The following CSMD1 variants were observed in gnomAD, a reference collection of about 807,000 sequenced individuals.
The protein encoded by CSMD1 is CUB and Sushi multiple domains 1, also known as CUB and sushi domain-containing protein 1.
A neutral mutation model predicts 417.5 loss-of-function variants in CSMD1; 213 were observed. The ratio of observed to expected loss-of-function variants is 0.51; its 90% confidence interval spans 0.46 to 0.57. The LOEUF (loss-of-function observed/expected upper bound fraction) is 0.57. Ranked by LOEUF, CSMD1 falls within the 20% of genes least tolerant of loss-of-function variation. The probability of loss-of-function intolerance (pLI) is 0.00; values close to 1 mark genes in which losing one functional copy is unlikely to be tolerated. For missense variants in CSMD1, 6,923 were observed against 4,529.7 expected (o/e 1.53, Z -15.17); for synonymous variants, 2,862 against 1,736.8 (o/e 1.65, Z -16.11).
intron 37 of CSMD1, among the ~76,000 whole-genome samples, chr8:3,163,674 C>T (rs981376955): frequency 4.0e-4 from 61 of 151,944 alleles, no homozygotes; most frequent in Non-Finnish European, 2.2e-4. Context: ...TCAAAACCAG[C>T]GGCCACCAAG....
At chr8:3,291,443 A>G (rs1443150919) in intron 25 of CSMD1, among the ~76,000 whole-genome samples, 2 of 152,070 alleles carry the variant, frequency 1.3e-5, no homozygotes, top group Non-Finnish European at 2.9e-5. Flanking sequence ...TGGACTGTGA[A>G]TCCATCTGGT....
intron 3 of CSMD1, among the ~76,000 whole-genome samples, chr8:4,412,275 A>G (rs947712197): frequency 1.3e-5 from 2 of 152,116 alleles, no homozygotes; most frequent in African/African-American, 4.8e-5. Context: ...TTTCTCATGA[A>G]TAGTTTACCA....
intron 3 of CSMD1, among the ~76,000 whole-genome samples, chr8:4,166,090 T>C (rs908841648): frequency 2.6e-4 from 40 of 152,196 alleles, no homozygotes; most frequent in African/African-American, 9.4e-4. Context: ...AATTACATTC[T>C]TAATGATGAG....
Position 3,187,952 on chromosome 8 carries a change from C to A in CSMD1, c.5537G>T (p.Ser1846Ile). The A allele has an allele frequency of 6.2e-7, 1 of 1,613,004 alleles. No homozygotes were observed. The highest frequency in any genetic ancestry group is 8.5e-7 in the Non-Finnish European group (1 of 1,179,570). Residue 1846 changes from serine (S) to isoleucine (I), a missense_variant, in exon 36 of 70, where the codon AGT becomes ATT. Physicochemically the swap from Ser to Ile is moderately radical, Grantham distance 142. Coordinates refer to ENST00000635120, the MANE Select transcript of CSMD1 (RefSeq NM_033225.6). ...EGSGIQIQVI[S>I]FATEQNWDSL... is the part of the protein sequence containing the mutation. ...GTCCCAGTTCTGCTCCGTGGCAAAA[C>A]TGATCACTTGGATCTACCAAACCAT...
chr8:3,381,885 C>T (rs1352620192), intron 18 of CSMD1, among the ~76,000 whole-genome samples: 4 of 152,108 alleles, frequency 2.6e-5, no homozygotes, highest in African/African-American at 4.8e-5. Context: ...CTGTGTGTAC[C>T]TGCAATTACA....
chr8:3,336,260 T>C (rs577747649), intron 23 of CSMD1, among the ~76,000 whole-genome samples: 11 of 152,258 alleles, frequency 7.2e-5, no homozygotes, highest in African/African-American at 2.2e-4. Context: ...CCTTTGCAAC[T>C]TGGGGTATTA....
chr8:3,906,231 A>G (rs1242335995), intron 5 of CSMD1, among the ~76,000 whole-genome samples: 3 of 152,170 alleles, frequency 2.0e-5, no homozygotes, highest in South Asian at 2.1e-4. Context: ...TGACCACAAA[A>G]TGCCATAGCA....
intron 4 of CSMD1, among the ~76,000 whole-genome samples, chr8:4,019,734 G>T (rs1372452790): frequency 7.2e-5 from 11 of 152,084 alleles, no homozygotes; most frequent in Admixed American, 7.2e-4. Flanking sequence ...GAATGTGCCT[G>T]TTGTAGAAGT....
intron 6 of CSMD1, among the ~76,000 whole-genome samples, chr8:3,736,240 T>A: frequency 6.6e-6 from 1 of 151,272 alleles, no homozygotes; most frequent in South Asian, 2.1e-4. Context: ...TGTATTTTTT[T>A]GTTTTGTTTT....
At chr8:3,961,304 T>A (rs945392359) in intron 5 of CSMD1, among the ~76,000 whole-genome samples, 1 of 152,208 alleles carries the variant, frequency 6.6e-6, no homozygotes, top group Non-Finnish European at 1.5e-5. Flanking sequence ...TATATGAGCA[T>A]AAAAGTCATC....
intron 3 of CSMD1, among the ~76,000 whole-genome samples, chr8:4,182,998 G>C (rs1630284): frequency 0.88 from 133,700 of 152,172 alleles, 58,994 homozygotes; most frequent in South Asian, 0.95. Context: ...AGTCTTTCAA[G>C]TAAAGAGTAA....
chr8:3,217,337 T>C (rs1458055427), intron 29 of CSMD1, among the ~76,000 whole-genome samples: 1 of 152,220 alleles, frequency 6.6e-6, no homozygotes, highest in East Asian at 1.9e-4. Flanking sequence ...GCCATACCGG[T>C]TACCCAAACA....
chr8:3,688,342 G>C (rs536282146), intron 7 of CSMD1, among the ~76,000 whole-genome samples: 1 of 152,272 alleles, frequency 6.6e-6, no homozygotes, highest in African/African-American at 2.4e-5. Context: ...AATGCCAGTA[G>C]AAAGTTTAAT....
intron 1 of CSMD1, among the ~76,000 whole-genome samples, chr8:4,686,853 A>G (rs928268176): frequency 2.0e-5 from 3 of 152,206 alleles, no homozygotes; most frequent in South Asian, 2.1e-4. Flanking sequence ...GGAGAGAAGG[A>G]AGGAGGCAAA....
chr8:3,439,281 G>GTGTGTGTATATATATATATA (rs1407744154), intron 12 of CSMD1, among the ~76,000 whole-genome samples: 2 of 54,344 alleles, frequency 3.7e-5, no homozygotes, highest in Non-Finnish European at 3.3e-5. Flanking sequence ...GGCAATGTCA[G>GTGTGTGTATATATATATATA]TATATATATA....
chr8:3,584,501 G>T (rs1318312080), intron 9 of CSMD1, among the ~76,000 whole-genome samples: 1 of 151,904 alleles, frequency 6.6e-6, no homozygotes, highest in Non-Finnish European at 1.5e-5. Flanking sequence ...CTTCAGCCTG[G>T]ATGGAGCAGC....
intron 5 of CSMD1, among the ~76,000 whole-genome samples, chr8:3,895,011 G>C (rs1356933515): frequency 6.6e-6 from 1 of 152,168 alleles, no homozygotes; most frequent in East Asian, 1.9e-4. Flanking sequence ...AAGCAGCTTA[G>C]TGGAGGCCAT....
chr8:4,879,184 G>A (rs186658285), intron 1 of CSMD1, among the ~76,000 whole-genome samples: 62 of 152,130 alleles, frequency 4.1e-4, no homozygotes, highest in African/African-American at 1.5e-3. Flanking sequence ...GAATAGGCAG[G>A]CACAGAGAGA....
At chr8:4,976,817 T>A (rs1270868233) in intron 1 of CSMD1, among the ~76,000 whole-genome samples, 1 of 152,196 alleles carries the variant, frequency 6.6e-6, no homozygotes, top group Non-Finnish European at 1.5e-5. Flanking sequence ...ATATTTTTAT[T>A]AAATATTCAT....
Sources: allele counts gnomAD v4.1 joint callset (sites outside exome capture counted in the v4.1 genomes callset), GRCh38; gene constraint gnomAD v4.1.1; transcripts MANE v1.5; gene names NCBI Gene and HGNC (gene_info 2026-07-23, HGNC 2026-07-21).